The following TCF12 variants were observed in gnomAD, a reference collection of about 807,000 sequenced individuals.
The protein encoded by TCF12 is DNA-binding protein HTF4.
A neutral mutation model predicts 86.0 loss-of-function variants in TCF12; 45 were observed. That is an observed-to-expected ratio of 0.52 (90% CI 0.41 to 0.67). The LOEUF is 0.67. Ranked by LOEUF, TCF12 falls within the 30% of genes least tolerant of loss-of-function variation. The probability of loss-of-function intolerance (pLI) is 0.00; values close to 1 mark genes in which losing one functional copy is unlikely to be tolerated. For synonymous variants in TCF12, 330 were observed against 299.6 expected, an observed-to-expected ratio of 1.10 and a Z score of -1.05; for missense variants, 881 against 859.9, an observed-to-expected ratio of 1.02 and a Z score of -0.31.
intron 8 of TCF12, chr15:57,219,114 TA>T (rs1459132591): frequency 1.9e-6 from 2 of 1,061,176 alleles, no homozygotes; most frequent in African/African-American, 1.6e-5. Context: ...CTAATTTAAT[TA>T]AAACTAAAAA....
At chr15:57,063,688 G>A (rs1409620848) in intron 3 of TCF12, 62 bp from the exon 4 acceptor site, 68 of 1,464,476 alleles carry the variant, frequency 4.6e-5, no homozygotes, top group African/African-American at 2.8e-4. Context: ...CTGCTGTCCC[G>A]TACCAAAAAA....
chr15:56,940,410 T>C (rs1347054449), intron 3 of TCF12, among the ~76,000 whole-genome samples: 1 of 152,138 alleles, frequency 6.6e-6, no homozygotes, highest in Non-Finnish European at 1.5e-5. Context: ...GAAGTTAGAC[T>C]GCACATCTAG....
intron 4 of TCF12, among the ~76,000 whole-genome samples, chr15:57,088,909 T>C (rs1412280113): frequency 6.6e-6 from 1 of 152,188 alleles, no homozygotes; most frequent in Non-Finnish European, 1.5e-5. Context: ...ATATGACTTG[T>C]GATAATCGTA....
rs112941091 is a variant in TCF12, at chr15:57,230,146, A to T, written c.580-1006A>T. On this transcript the variant is annotated intron_variant, in intron 8 of 20. Transcript: ENST00000333725. ...TTTCTATGCTTATGCAAACAAATTA[A>T]TACATGATTTTTAAAATACATGCTT... Among the ~76,000 whole-genome samples, 953 of 152,116 alleles carry T rather than the reference A, an allele frequency of 6.3e-3. 16 individuals carry two copies. The East Asian group carries it at 0.064, about 10-fold the overall frequency.
At chr15:57,083,507 G>A (rs1216354465) in intron 4 of TCF12, among the ~76,000 whole-genome samples, 1 of 151,844 alleles carries the variant, frequency 6.6e-6, no homozygotes, top group Non-Finnish European at 1.5e-5. Context: ...GGAAAATATA[G>A]GCAAATGAAA....
intron 4 of TCF12, among the ~76,000 whole-genome samples, chr15:57,066,697 T>TA (rs1418193456): frequency 6.6e-6 from 1 of 152,180 alleles, no homozygotes; most frequent in Non-Finnish European, 1.5e-5. Flanking sequence ...TGAATTGAAC[T>TA]ATCTGAGCTG....
chr15:57,048,558 G>T (rs1441406017), intron 3 of TCF12, among the ~76,000 whole-genome samples: 2 of 152,144 alleles, frequency 1.3e-5, no homozygotes, highest in Non-Finnish European at 2.9e-5. Context: ...GCTGCACCCA[G>T]CCTCCTCCAC....
chr15:57,174,775 A>G (rs1039949707), intron 6 of TCF12, among the ~76,000 whole-genome samples: 1 of 152,230 alleles, frequency 6.6e-6, no homozygotes, highest in Non-Finnish European at 1.5e-5. Flanking sequence ...TACTGCTTAT[A>G]GTAGTATCCA....
chr15:57,093,795 G>A (rs541187634), intron 5 of TCF12, among the ~76,000 whole-genome samples: 1 of 152,168 alleles, frequency 6.6e-6, no homozygotes, highest in East Asian at 1.9e-4. Flanking sequence ...AAAAAGTCTT[G>A]AAGTAAATAA....
At chr15:57,109,563 T>C (rs374434781) in intron 5 of TCF12, among the ~76,000 whole-genome samples, 1 of 152,220 alleles carries the variant, frequency 6.6e-6, no homozygotes, top group Non-Finnish European at 1.5e-5. Flanking sequence ...TTTGTTCTTA[T>C]AGTTAGTTAA....
intron 3 of TCF12, among the ~76,000 whole-genome samples, chr15:57,033,198 C>G (rs1310303587): frequency 3.3e-5 from 5 of 151,988 alleles, no homozygotes; most frequent in African/African-American, 1.2e-4. Context: ...AGGACTAAAA[C>G]TTATGTCATT....
intron 3 of TCF12, among the ~76,000 whole-genome samples, chr15:56,940,138 T>C (rs1002179029): frequency 1.3e-5 from 2 of 151,912 alleles, no homozygotes; most frequent in African/African-American, 4.8e-5. Context: ...GGAAACAATA[T>C]TTTTTCTAAA....
chr15:56,946,375 T>G (rs1298162193), intron 3 of TCF12, among the ~76,000 whole-genome samples: 1 of 152,226 alleles, frequency 6.6e-6, no homozygotes, highest in Non-Finnish European at 1.5e-5. Context: ...CTAACCTGTT[T>G]ATTCCATCCA....
At chr15:56,979,102 C>G (rs1271433742) in intron 3 of TCF12, among the ~76,000 whole-genome samples, 1 of 152,058 alleles carries the variant, frequency 6.6e-6, no homozygotes, top group East Asian at 1.9e-4. Context: ...TTAGGTCACT[C>G]ATTTTTGTTT....
At chr15:57,266,113 A>G (rs1380317993) in intron 18 of TCF12, among the ~76,000 whole-genome samples, 6 of 150,854 alleles carry the variant, frequency 4.0e-5, no homozygotes, top group African/African-American at 9.7e-5. Flanking sequence ...TTATTTATTT[A>G]TTTATTTATT....
intron 16 of TCF12, among the ~76,000 whole-genome samples, chr15:57,255,708 T>C (rs2060316611): frequency 6.6e-6 from 1 of 152,024 alleles, no homozygotes; most frequent in African/African-American, 2.4e-5. Flanking sequence ...GGTCTCAAAC[T>C]CCTGACCTTG....
chr15:57,094,014 C>T (rs2049158656), intron 5 of TCF12, among the ~76,000 whole-genome samples: 1 of 152,144 alleles, frequency 6.6e-6, no homozygotes. Flanking sequence ...CTCCTGAGCT[C>T]AAGCTGTCCT....
intron 8 of TCF12, chr15:57,219,003 G>A: frequency 2.9e-6 from 3 of 1,028,054 alleles, no homozygotes; most frequent in Non-Finnish European, 3.5e-6. Flanking sequence ...TCCAATTCCT[G>A]ATTACTTGAT....
intron 4 of TCF12, among the ~76,000 whole-genome samples, chr15:57,079,269 A>G (rs536232596): frequency 6.6e-6 from 1 of 152,328 alleles, no homozygotes; most frequent in South Asian, 2.1e-4. Flanking sequence ...TGGATCAGAT[A>G]GTTATTTCTT....
Sources: allele counts gnomAD v4.1 joint callset (sites outside exome capture counted in the v4.1 genomes callset), GRCh38; gene constraint gnomAD v4.1.1; transcripts MANE v1.5; gene names NCBI Gene and HGNC (gene_info 2026-07-23, HGNC 2026-07-21).